Variants in WWC1 observed in about 807,000 individuals in gnomAD.
WWC1 encodes protein KIBRA.
WWC1 carries 55 observed loss-of-function variants against 138.4 expected under a neutral mutation model. The ratio of observed to expected loss-of-function variants is 0.40; its 90% CI spans 0.32 to 0.50. The LOEUF (loss-of-function observed/expected upper bound fraction) is 0.50. Among genes scored for constraint, WWC1 ranks in the 20% least tolerant of loss-of-function variants. The pLI is 0.72. For missense variants in WWC1, 1,226 were observed against 1,420.4 expected (o/e 0.86, Z 2.20); for synonymous variants, 524 against 564.9 (o/e 0.93, Z 1.03).
Position 168,444,584 on chromosome 5 carries a change from T to A in WWC1, c.2524T>A (p.Trp842Arg), listed in dbSNP as rs1164394649. 3.7e-6 allele frequency: 6 copies of A among 1,613,124 alleles called. No homozygotes were observed. In the African/African-American group the frequency reaches 8.0e-5, roughly 22 times the overall value. The change falls in exon 17 of 23, where the codon TGG becomes AGG. Residue 842 changes from tryptophan to arginine, a missense_variant and splice_region_variant. Physicochemically the swap from Trp to Arg is moderately radical, Grantham distance 101 (BLOSUM62 -3). This residue lies in a region of WWC1 where 1,016 missense variants were observed against 1,153.9 expected (regional missense o/e 0.88). Coordinates refer to ENST00000265293, the MANE Select transcript of WWC1 (RefSeq NM_015238.3). The part of the protein sequence containing the change: ...RSSTQTLEDS[W>R]RYEETSENEA... Reference sequence around the variant, plus strand: ...CAGCACACAGACACTGGAAGACAGCTGGTGAGTGAGCCCGCCCTTGGGCCC... The same window carrying A: ...CAGCACACAGACACTGGAAGACAGCAGGTGAGTGAGCCCGCCCTTGGGCCC...
rs867501173 is a variant in WWC1, at chr5:168,294,475, A to G, written c.119+2204A>G. 2.0e-5 allele frequency among the ~76,000 whole-genome samples: 3 copies of G among 152,180 alleles called. No homozygotes were observed. In the South Asian group the frequency reaches 6.2e-4, roughly 32 times the overall value. ...TTTAGCTAGGTACTGTGGCCAGCCT[A>G]AGGCCACAGCACCTCACCTGCCCAG... On this transcript the variant is annotated intron_variant, in intron 1 of 22. Coordinates refer to ENST00000265293, the MANE Select transcript of WWC1 (RefSeq NM_015238.3).
At chr5:168,301,589 GATTGTGCT>G (rs1353127767) in intron 1 of WWC1, among the ~76,000 whole-genome samples, 1 of 149,836 alleles carries the variant, frequency 6.7e-6, no homozygotes, top group African/African-American at 2.5e-5. Context: ...AGTGAGTCGA[GATTGTGCT>G]ATTGCACTCC....
In WWC1 at chr5:168,469,754, A is replaced by C. The variant is rs911789843; in HGVS notation, c.*737A>C. On this transcript the variant is annotated 3_prime_UTR_variant, in exon 23 of 23. Transcript: ENST00000265293. Reference sequence around the variant, plus strand: ...CTCCATCAATAAAGTGGCCTTTCAAAAAGAATCTTCCTCTTGCTCTCTTTT... The same window carrying C: ...CTCCATCAATAAAGTGGCCTTTCAACAAGAATCTTCCTCTTGCTCTCTTTT... 1 of 152,126 alleles carries C rather than the reference A, an allele frequency of 6.6e-6. No individual in the cohort carries two copies. The highest frequency in any genetic ancestry group is 6.5e-5 in the Admixed American group (1 of 15,270). The allele number at this position is 152,126 out of a possible 1,614,324, so 9.4% of individuals were successfully genotyped here. A position where few individuals can be genotyped will look rare whatever the true frequency, so the allele number is the denominator to read the frequency against.
chr5:168,464,654 G>C, intron 20 of WWC1, 75 bp from the exon 21 acceptor site: 1 of 1,579,272 alleles, frequency 6.3e-7, no homozygotes, highest in Non-Finnish European at 8.6e-7. Flanking sequence ...GGGTATTTGA[G>C]GGTCAGAGGA....
chr5:168,396,253 C>T (rs867986406), intron 3 of WWC1, among the ~76,000 whole-genome samples: 2 of 152,082 alleles, frequency 1.3e-5, no homozygotes, highest in African/African-American at 2.4e-5. Flanking sequence ...CATGGTGGAG[C>T]GTACCTGTAA....
At chr5:168,351,483 C>T (rs1283731177) in intron 1 of WWC1, among the ~76,000 whole-genome samples, 3 of 152,208 alleles carry the variant, frequency 2.0e-5, no homozygotes, top group Non-Finnish European at 2.9e-5. Flanking sequence ...TGTCTCGAAG[C>T]GACTTCCACT....
intron 21 of WWC1, among the ~76,000 whole-genome samples, chr5:168,466,440 G>T (rs1757301112): frequency 6.6e-6 from 1 of 152,166 alleles, no homozygotes; most frequent in Non-Finnish European, 1.5e-5. Context: ...GCCTTGCTGA[G>T]AGCACCTTAC....
rs58444054 is a variant in WWC1, at chr5:168,315,784, C to T, written c.119+23513C>T. ...TCGCTTCCCGTTAAGAAGCTGTCACCTTCTGACTCCTCTCCTGGTGAGTCT... is the reference window on the plus strand; with the variant it reads ...TCGCTTCCCGTTAAGAAGCTGTCACTTTCTGACTCCTCTCCTGGTGAGTCT... On this transcript the variant is annotated intron_variant, in intron 1 of 22. Coordinates refer to ENST00000265293, the MANE Select transcript of WWC1 (RefSeq NM_015238.3). Among the ~76,000 whole-genome samples, 979 of 152,234 alleles carry T rather than the reference C, an allele frequency of 6.4e-3. 6 individuals carry two copies. The highest frequency in any genetic ancestry group is 0.025 in the South Asian group (119 of 4,832).
chr5:168,318,812 G>A (rs1249622290), intron 1 of WWC1, among the ~76,000 whole-genome samples: 1 of 151,844 alleles, frequency 6.6e-6, no homozygotes, highest in Non-Finnish European at 1.5e-5. Flanking sequence ...TGCCCGCCTT[G>A]GCCTCCCAAA....
chr5:168,399,315 A>C (rs1779139212), intron 4 of WWC1, among the ~76,000 whole-genome samples, 173 bp from the exon 5 acceptor site: 1 of 152,224 alleles, frequency 6.6e-6, no homozygotes, highest in African/African-American at 2.4e-5. Flanking sequence ...GCAGAGACCA[A>C]GGCCAACATC....
intron 9 of WWC1, among the ~76,000 whole-genome samples, chr5:168,421,436 C>T (rs1273510178): frequency 6.6e-6 from 1 of 152,174 alleles, no homozygotes; most frequent in African/African-American, 2.4e-5. Flanking sequence ...CTTCATGGAC[C>T]TTGTCACACA....
chr5:168,342,981 A>G (rs1186217518), intron 1 of WWC1, among the ~76,000 whole-genome samples: 1 of 152,068 alleles, frequency 6.6e-6, no homozygotes, highest in African/African-American at 2.4e-5. Flanking sequence ...AAAAAATTCC[A>G]TCCAATTTGT....
At position 168,454,072 on chromosome 5, in the gene WWC1, C is replaced by G; in HGVS notation, c.2630C>G (p.Pro877Arg). The G allele has an allele frequency of 6.2e-7, 1 of 1,613,308 alleles. No homozygotes were observed. The highest frequency in any genetic ancestry group is 8.5e-7 in the Non-Finnish European group (1 of 1,179,896). Residue 877 changes from proline (P) to arginine (R), a missense_variant, in exon 18 of 23, where the codon CCT (proline) becomes CGT (arginine). Physicochemically the swap from Pro to Arg is moderately radical, Grantham distance 103. This residue lies in a region of WWC1 where 1,016 missense variants were observed against 1,153.9 expected (regional missense o/e 0.88). Coordinates refer to ENST00000265293, the MANE Select transcript of WWC1 (RefSeq NM_015238.3). ...EEDVFTEKASPDMDGYPALKV... is the reference protein window; with the variant it reads ...EEDVFTEKASRDMDGYPALKV... ...GATGTTTTCACCGAGAAAGCCTCAC[C>G]TGATATGGATGGGTACCCAGCATTA...
intron 1 of WWC1, among the ~76,000 whole-genome samples, chr5:168,369,996 G>T (rs1305414509): frequency 6.8e-6 from 1 of 148,060 alleles, no homozygotes; most frequent in Non-Finnish European, 1.5e-5. Context: ...CACTTCCCAG[G>T]TTCAAGCAAT....
chr5:168,442,945 T>C (rs1754916682), intron 16 of WWC1, among the ~76,000 whole-genome samples: 1 of 152,142 alleles, frequency 6.6e-6, no homozygotes, highest in African/African-American at 2.4e-5. Context: ...TATTAAAATA[T>C]CCTTAAACTG....
chr5:168,418,493 A>G (rs543361426), intron 9 of WWC1, among the ~76,000 whole-genome samples: 1 of 152,216 alleles, frequency 6.6e-6, no homozygotes, highest in East Asian at 1.9e-4. Context: ...TCCATGCTTG[A>G]TGCGTTCTTG....
rs184305665 is a variant in WWC1 at position 168,315,984 on chromosome 5, C to T, written c.119+23713C>T. Among the ~76,000 whole-genome samples the T allele has an allele frequency of 6.6e-4, 101 of 152,292 alleles. 2 individuals carry two copies. Among genetic ancestry groups the T allele is most frequent in the Admixed American group, 6.2e-3 (95 of 15,296 alleles). The stretch of plus-strand genomic sequence containing the variant: ...CCATAGCTTGACATTCTTCCTGCTA[C>T]AGAAAAACAGATGAAAGAACAGTTT... On this transcript the variant is annotated intron_variant, in intron 1 of 22. Transcript: ENST00000265293.
At chr5:168,347,836 G>T (rs1275136475) in intron 1 of WWC1, among the ~76,000 whole-genome samples, 1 of 152,278 alleles carries the variant, frequency 6.6e-6, no homozygotes, top group East Asian at 1.9e-4. Flanking sequence ...ATACTGCAGT[G>T]CTCTAAACAG....
chr5:168,333,920 T>G (rs1773238152), intron 1 of WWC1, among the ~76,000 whole-genome samples: 1 of 151,786 alleles, frequency 6.6e-6, no homozygotes, highest in Non-Finnish European at 1.5e-5. Context: ...GCTCTTAAAG[T>G]CTACTCTCCC....
Sources: gnomAD v4.1 joint callset for allele counts (sites outside exome capture counted in the v4.1 genomes callset) on GRCh38, gnomAD v4.1.1 for gene constraint, gnomAD v4.1.1 regional missense constraint, MANE v1.5 for transcripts, NCBI Gene and HGNC (gene_info 2026-07-23, HGNC 2026-07-21) for gene names.